PLCB4: variants seen among roughly 807,000 people sequenced by gnomAD.
The protein encoded by PLCB4 is phospholipase C beta 4.
In PLCB4, 77 loss-of-function variants were observed where a neutral mutation model predicts 178.8. The ratio of observed to expected loss-of-function variants is 0.43; its 90% CI spans 0.36 to 0.52. The LOEUF (loss-of-function observed/expected upper bound fraction) is 0.52. Ranked by LOEUF, PLCB4 falls within the 20% of genes least tolerant of loss-of-function variation. The pLI, the probability that PLCB4 is intolerant of heterozygous loss-of-function variation, is 0.00. For synonymous variants in PLCB4, 496 were observed against 490.8 expected (o/e 1.01, Z -0.14); for missense variants, 1,024 against 1,453.4 (o/e 0.70, Z 4.80).
chr20:9,432,998 T>C (rs900450623), intron 28 of PLCB4, among the ~76,000 whole-genome samples: 2 of 151,086 alleles, frequency 1.3e-5, no homozygotes, highest in African/African-American at 2.4e-5. Flanking sequence ...CACCGAATTG[T>C]TGTGAAGAGA....
At position 9,327,211 on chromosome 20, in the gene PLCB4, G is replaced by A. The variant is rs573631140; in HGVS notation, c.85-9915G>A. Among the ~76,000 whole-genome samples, 139 of 152,270 alleles carry A rather than the reference G, an allele frequency of 9.1e-4. 3 individuals carry two copies. The South Asian group carries it at 0.028, about 30-fold the overall frequency. On this transcript the variant is annotated intron_variant, in intron 4 of 39. Coordinates refer to ENST00000378473, the MANE Select transcript of PLCB4 (RefSeq NM_001377142.1). ...CCCAGTGCTTTGGGAGGCTGAGGCA[G>A]GAGGACTGCTTGAAGCCAGGAGTTC...
At chr20:9,101,149 C>T (rs1422384178) in intron 2 of PLCB4, among the ~76,000 whole-genome samples, 4 of 152,054 alleles carry the variant, frequency 2.6e-5, no homozygotes, top group Non-Finnish European at 5.9e-5. Context: ...GTGAAGCAGC[C>T]GCCCAACCAG....
chr20:9,212,594 T>C (rs1440472505), intron 2 of PLCB4, among the ~76,000 whole-genome samples: 1 of 152,170 alleles, frequency 6.6e-6, no homozygotes, highest in Admixed American at 6.5e-5. Flanking sequence ...TTAGTGGTGG[T>C]TTACAGTAAA....
intron 10 of PLCB4, 115 bp downstream of exon 10, chr20:9,371,410 G>A: frequency 1.6e-6 from 1 of 606,906 alleles, no homozygotes; most frequent in South Asian, 2.2e-5. Flanking sequence ...GGAATTATAT[G>A]TCAGTGACAT....
chr20:9,267,844 G>C (rs921474592), intron 3 of PLCB4, among the ~76,000 whole-genome samples: 2 of 152,124 alleles, frequency 1.3e-5, no homozygotes, highest in Non-Finnish European at 2.9e-5. Context: ...GGAGTAATGG[G>C]TTAGCATGGG....
intron 28 of PLCB4, among the ~76,000 whole-genome samples, chr20:9,432,087 T>A (rs80007342): frequency 0.013 from 2,038 of 152,296 alleles, 32 homozygotes; most frequent in African/African-American, 0.041. Flanking sequence ...ATGTGACATT[T>A]CCCATTTACT....
intron 2 of PLCB4, among the ~76,000 whole-genome samples, chr20:9,133,269 T>A (rs946624009): frequency 2.6e-5 from 4 of 152,024 alleles, no homozygotes; most frequent in Non-Finnish European, 4.4e-5. Flanking sequence ...TTGCAATTAC[T>A]TTTTTTTGTT....
chr20:9,101,360 G>A (rs1362693211), intron 2 of PLCB4, among the ~76,000 whole-genome samples: 2 of 152,114 alleles, frequency 1.3e-5, no homozygotes, highest in African/African-American at 4.8e-5. Flanking sequence ...GTGAACCTGA[G>A]TCTAAATCAT....
intron 36 of PLCB4, 35 bp downstream of exon 36, chr20:9,468,707 A>G: frequency 8.2e-7 from 1 of 1,215,172 alleles, no homozygotes. Context: ...GGAATATGGC[A>G]TTGACTTGAG....
chr20:9,381,259 G>A (rs2037117747), intron 13 of PLCB4, among the ~76,000 whole-genome samples: 1 of 152,202 alleles, frequency 6.6e-6, no homozygotes, highest in Non-Finnish European at 1.5e-5. Context: ...TTGGCAGGAG[G>A]TGATATGATT....
chr20:9,083,360 TAC>T (rs1038057491), intron 1 of PLCB4, among the ~76,000 whole-genome samples: 3 of 129,700 alleles, frequency 2.3e-5, no homozygotes, highest in Non-Finnish European at 3.4e-5. Context: ...TCTCTTTCTC[TAC>T]ACACACACAC....
At chr20:9,106,648 T>G (rs1158599778) in intron 2 of PLCB4, among the ~76,000 whole-genome samples, 3 of 152,118 alleles carry the variant, frequency 2.0e-5, no homozygotes, top group Non-Finnish European at 2.9e-5. Flanking sequence ...CCTATCTCAG[T>G]GGACCAGTCA....
At chr20:9,275,635 G>C (rs1477706327) in intron 3 of PLCB4, among the ~76,000 whole-genome samples, 1 of 151,952 alleles carries the variant, frequency 6.6e-6, no homozygotes, top group East Asian at 1.9e-4. Context: ...CTAATTTTTT[G>C]ATAGGGAGCA....
At chr20:9,359,716 C>T (rs1203734868) in intron 7 of PLCB4, among the ~76,000 whole-genome samples, 2 of 152,118 alleles carry the variant, frequency 1.3e-5, no homozygotes, top group East Asian at 3.9e-4. Context: ...CTGGAAAATG[C>T]GCTTCCTGGA....
chr20:9,427,800 A>AC (rs2041128738), intron 28 of PLCB4, among the ~76,000 whole-genome samples: 1 of 152,156 alleles, frequency 6.6e-6, no homozygotes, highest in Non-Finnish European at 1.5e-5. Context: ...AGGGGAGCAA[A>AC]TAAGAGAGTT....
chr20:9,140,078 T>C (rs907577722), intron 2 of PLCB4, among the ~76,000 whole-genome samples: 5 of 152,096 alleles, frequency 3.3e-5, no homozygotes, highest in African/African-American at 7.2e-5. Flanking sequence ...CTCTCCCTCA[T>C]TTTTCAGCTT....
chr20:9,117,067 G>T (rs1006320537), intron 2 of PLCB4, among the ~76,000 whole-genome samples: 1 of 152,052 alleles, frequency 6.6e-6, no homozygotes, highest in East Asian at 1.9e-4. Context: ...CAATTTGTCC[G>T]AATTTGTCTA....
intron 3 of PLCB4, chr20:9,280,302 C>T (rs1257432008): frequency 4.8e-6 from 1 of 209,044 alleles, no homozygotes; most frequent in African/African-American, 2.4e-5. Context: ...GGTACTCCTC[C>T]CATTTCCTGC....
intron 20 of PLCB4, among the ~76,000 whole-genome samples, chr20:9,404,231 G>A (rs568575093): frequency 6.6e-6 from 1 of 152,190 alleles, no homozygotes; most frequent in East Asian, 1.9e-4. Flanking sequence ...GTGCAAAGGT[G>A]TGGCCCTTCA....
Sources: gnomAD v4.1 joint callset for allele counts (sites outside exome capture counted in the v4.1 genomes callset) on GRCh38, gnomAD v4.1.1 for gene constraint, MANE v1.5 for transcripts, NCBI Gene and HGNC (gene_info 2026-07-23, HGNC 2026-07-21) for gene names.